The following CTNNA2 variants were observed in gnomAD, a reference collection of about 807,000 sequenced individuals.
CTNNA2 encodes the protein catenin alpha 2, also known as catenin alpha-2.
In CTNNA2, 42 loss-of-function variants were observed where a neutral mutation model predicts 101.0. The observed-to-expected ratio is 0.42, with a 90% confidence interval of 0.32 to 0.54. CTNNA2 has a LOEUF of 0.54. Ranked by LOEUF, CTNNA2 falls within the 20% of genes least tolerant of loss-of-function variation. The pLI, the probability that CTNNA2 is intolerant of heterozygous loss-of-function variation, is 0.14. For synonymous variants in CTNNA2, 450 were observed against 456.4 expected (o/e 0.99, Z 0.18); for missense variants, 871 against 1,223.1 (o/e 0.71, Z 4.29).
intron 2 of CTNNA2, among the ~76,000 whole-genome samples, chr2:79,683,594 A>T (rs1353545152): frequency 6.6e-6 from 1 of 152,230 alleles, no homozygotes; most frequent in South Asian, 2.1e-4. Context: ...TCATTAGCAC[A>T]TATTAGCCAC....
At chr2:80,633,149 A>G (rs533211751) in intron 18 of CTNNA2, among the ~76,000 whole-genome samples, 1 of 152,302 alleles carries the variant, frequency 6.6e-6, no homozygotes, top group South Asian at 2.1e-4. Context: ...GTTCTTATAA[A>G]TTATATTATC....
intron 7 of CTNNA2, among the ~76,000 whole-genome samples, chr2:80,184,330 T>C (rs1176754910): frequency 6.6e-6 from 1 of 152,138 alleles, no homozygotes; most frequent in East Asian, 1.9e-4. Context: ...TCATTAAGTG[T>C]GATAAAGAAA....
chr2:79,435,966 C>T (rs1678708752), intron 4 of CTNNA2, among the ~76,000 whole-genome samples: 1 of 152,146 alleles, frequency 6.6e-6, no homozygotes, highest in Admixed American at 6.5e-5. Flanking sequence ...ACTAGAAAGT[C>T]TGAATAAGTA....
chr2:80,200,007 C>T (rs754943133), intron 7 of CTNNA2, among the ~76,000 whole-genome samples: 1 of 152,108 alleles, frequency 6.6e-6, no homozygotes, highest in Non-Finnish European at 1.5e-5. Context: ...TTAGATACAA[C>T]CAGAAAGCTA....
intron 9 of CTNNA2, among the ~76,000 whole-genome samples, chr2:80,506,530 T>C (rs910528610): frequency 1.3e-5 from 2 of 152,114 alleles, no homozygotes; most frequent in African/African-American, 4.8e-5. Context: ...GGAATTTAAA[T>C]TGGGCAGTTT....
chr2:79,302,893 C>A (rs1449048312), intron 2 of CTNNA2, among the ~76,000 whole-genome samples: 4 of 152,134 alleles, frequency 2.6e-5, no homozygotes, highest in African/African-American at 9.7e-5. Flanking sequence ...GCCTCACAAC[C>A]ACACAGAATA....
intron 7 of CTNNA2, among the ~76,000 whole-genome samples, chr2:80,312,705 C>A (rs984669552): frequency 1.3e-5 from 2 of 152,206 alleles, no homozygotes; most frequent in Middle Eastern, 3.2e-3. Flanking sequence ...TGCTCTGTCT[C>A]TGATATTCCT....
chr2:79,811,119 G>A (rs1182463213), intron 3 of CTNNA2, among the ~76,000 whole-genome samples: 2 of 151,414 alleles, frequency 1.3e-5, no homozygotes, highest in African/African-American at 4.9e-5. Context: ...TTCCACAATG[G>A]TTGAACTAGT....
chr2:80,515,868 A>G (rs548564506), intron 9 of CTNNA2, among the ~76,000 whole-genome samples: 1 of 152,320 alleles, frequency 6.6e-6, no homozygotes, highest in South Asian at 2.1e-4. Context: ...ACTGAATTGC[A>G]TGTCTGTTTC....
intron 4 of CTNNA2, among the ~76,000 whole-genome samples, chr2:79,495,841 G>A (rs545679805): frequency 9.9e-5 from 15 of 152,122 alleles, no homozygotes; most frequent in Non-Finnish European, 1.8e-4. Flanking sequence ...GAAAATATTC[G>A]AAGTGAAAGA....
intron 7 of CTNNA2, among the ~76,000 whole-genome samples, chr2:79,921,166 A>AG (rs1407262757): frequency 2.0e-5 from 3 of 152,182 alleles, no homozygotes; most frequent in Non-Finnish European, 2.9e-5. Flanking sequence ...TCTCCTGCTG[A>AG]GGGGGTTTTG....
intron 1 of CTNNA2, among the ~76,000 whole-genome samples, chr2:79,525,008 T>C (rs1460301227): frequency 6.6e-6 from 1 of 151,926 alleles, no homozygotes; most frequent in Non-Finnish European, 1.5e-5. Context: ...TGACAACATG[T>C]TTGATTATGC....
chr2:79,517,726 T>C (rs1178760783), intron 1 of CTNNA2, among the ~76,000 whole-genome samples: 1 of 152,244 alleles, frequency 6.6e-6, no homozygotes, highest in Non-Finnish European at 1.5e-5. Flanking sequence ...TTGCATTATA[T>C]ACCTCTTTGA....
At chr2:80,619,049 T>C (rs1573473729) in intron 17 of CTNNA2, 36 bp from the exon 18 acceptor site, 1 of 1,320,444 alleles carries the variant, frequency 7.6e-7, no homozygotes, top group Non-Finnish European at 1.0e-6. Flanking sequence ...TTGCTCTCTC[T>C]CTCATTCTCT....
chr2:80,606,417 C>G (rs1423997656), intron 16 of CTNNA2, among the ~76,000 whole-genome samples: 2 of 143,820 alleles, frequency 1.4e-5, no homozygotes, highest in East Asian at 2.1e-4. Context: ...CACACACCCC[C>G]CAGGATACAT....
chr2:80,450,948 T>A (rs559177628), intron 9 of CTNNA2, among the ~76,000 whole-genome samples: 1 of 151,830 alleles, frequency 6.6e-6, no homozygotes, highest in Non-Finnish European at 1.5e-5. Context: ...CAAGTCTTCA[T>A]TAATAACCTC....
chr2:80,371,627 G>A (rs931783347), intron 7 of CTNNA2, among the ~76,000 whole-genome samples: 3 of 151,964 alleles, frequency 2.0e-5, no homozygotes, highest in Non-Finnish European at 4.4e-5. Context: ...AGAGAGAATG[G>A]GGAGCATTGT....
At chr2:79,945,929 A>C (rs1159645866) in intron 7 of CTNNA2, among the ~76,000 whole-genome samples, 1 of 152,196 alleles carries the variant, frequency 6.6e-6, no homozygotes, top group Non-Finnish European at 1.5e-5. Context: ...CTATGGGAGC[A>C]GAAAACATGG....
At chr2:79,479,366 G>C (rs1671084155) in intron 4 of CTNNA2, among the ~76,000 whole-genome samples, 1 of 152,144 alleles carries the variant, frequency 6.6e-6, no homozygotes, top group African/African-American at 2.4e-5. Flanking sequence ...TCAATGTGAA[G>C]CATTTAAGAC....
Sources: allele counts gnomAD v4.1 joint callset (sites outside exome capture counted in the v4.1 genomes callset), GRCh38; gene constraint gnomAD v4.1.1; transcripts MANE v1.5; gene names NCBI Gene and HGNC (gene_info 2026-07-23, HGNC 2026-07-21).